Variants in CCSER1 observed in about 807,000 individuals in gnomAD.
The protein encoded by CCSER1 is coiled-coil serine rich protein 1.
In CCSER1, 41 loss-of-function variants were observed where a neutral mutation model predicts 82.0. The ratio of observed to expected loss-of-function variants is 0.50; its 90% CI spans 0.39 to 0.65. The LOEUF is 0.65. Among genes scored for constraint, CCSER1 ranks in the 30% least tolerant of loss-of-function variants. CCSER1 has a pLI of 0.00. For missense variants in CCSER1, 1,119 were observed against 1,064.2 expected (o/e 1.05, Z -0.72); for synonymous variants, 414 against 383.9 (o/e 1.08, Z -0.92).
At chr4:90,366,972 A>G (rs992356836) in intron 3 of CCSER1, among the ~76,000 whole-genome samples, 4 of 151,928 alleles carry the variant, frequency 2.6e-5, no homozygotes, top group Non-Finnish European at 5.9e-5. Flanking sequence ...ATACAATACC[A>G]TGTCTCTAAA....
At chr4:90,240,886 T>C (rs1746708284) in intron 1 of CCSER1, among the ~76,000 whole-genome samples, 1 of 152,132 alleles carries the variant, frequency 6.6e-6, no homozygotes, top group South Asian at 2.1e-4. Context: ...CACCTATAGC[T>C]CTCTGCAGTG....
intron 10 of CCSER1, among the ~76,000 whole-genome samples, chr4:91,381,152 T>C (rs183978410): frequency 0.02 from 2,976 of 152,268 alleles, 76 homozygotes; most frequent in African/African-American, 0.066. Flanking sequence ...GTGGGTAACC[T>C]GACCTTTCTC....
chr4:90,250,345 T>C (rs1722175647), intron 1 of CCSER1, among the ~76,000 whole-genome samples: 1 of 152,112 alleles, frequency 6.6e-6, no homozygotes, highest in Non-Finnish European at 1.5e-5. Context: ...TCTAAGACTT[T>C]TATAGCTTTA....
rs1782774441 is a variant in CCSER1, at chr4:90,592,072, T to C, written c.1725-35953T>C. Among the ~76,000 whole-genome samples the C allele has an allele frequency of 2.0e-5, 3 of 152,092 alleles. No homozygotes were observed. The South Asian group carries it at 6.2e-4, about 32-fold the overall frequency. ...AGGGGACGGAGAGTGTTAGGACAAA[T>C]ACCTAATGCACGCAGGGCTTAAAAC... On this transcript the variant is annotated intron_variant, in intron 5 of 10. Transcript: ENST00000509176.
chr4:91,194,170 A>T (rs190114786), intron 10 of CCSER1, among the ~76,000 whole-genome samples: 61 of 152,244 alleles, frequency 4.0e-4, no homozygotes, highest in African/African-American at 1.4e-3. Context: ...GAGTTTCACC[A>T]CATGGCTCAG....
chr4:90,273,105 A>G (rs1301858326), intron 1 of CCSER1, among the ~76,000 whole-genome samples: 1 of 152,170 alleles, frequency 6.6e-6, no homozygotes, highest in Non-Finnish European at 1.5e-5. Context: ...GAAATTAGCC[A>G]GGCACAGAAA....
chr4:91,358,689 CA>C (rs1749035646), intron 10 of CCSER1, among the ~76,000 whole-genome samples: 1 of 152,128 alleles, frequency 6.6e-6, no homozygotes, highest in Non-Finnish European at 1.5e-5. Flanking sequence ...CTAGTCTTAC[CA>C]AGTTTCAGAT....
chr4:91,008,135 T>G (rs754791033), intron 9 of CCSER1, among the ~76,000 whole-genome samples: 32 of 152,284 alleles, frequency 2.1e-4, no homozygotes, highest in Non-Finnish European at 3.7e-4. Flanking sequence ...TAAGACTTGT[T>G]TAGTAGCCTG....
intron 10 of CCSER1, among the ~76,000 whole-genome samples, chr4:91,577,771 G>A (rs987131747): frequency 2.6e-5 from 4 of 151,952 alleles, no homozygotes; most frequent in East Asian, 1.9e-4. Context: ...GGTTTCAATC[G>A]TTGTGTCATA....
chr4:90,905,866 C>T (rs1348052496), intron 8 of CCSER1, among the ~76,000 whole-genome samples: 1 of 151,978 alleles, frequency 6.6e-6, no homozygotes, highest in Non-Finnish European at 1.5e-5. Context: ...CAAAATGTCG[C>T]ATAACTAGTT....
chr4:90,725,864 T>A (rs1743540585), intron 7 of CCSER1, among the ~76,000 whole-genome samples: 1 of 151,964 alleles, frequency 6.6e-6, no homozygotes, highest in South Asian at 2.1e-4. Context: ...AAAACTTTGA[T>A]TAAAATTATG....
intron 5 of CCSER1, among the ~76,000 whole-genome samples, chr4:90,598,717 G>A (rs1560785180): frequency 6.6e-6 from 1 of 152,072 alleles, no homozygotes; most frequent in African/African-American, 2.4e-5. Flanking sequence ...ATTGGGGGTG[G>A]AGTGGATCAT....
intron 10 of CCSER1, among the ~76,000 whole-genome samples, chr4:91,580,983 ACTAT>A (rs1288054867): frequency 6.6e-6 from 1 of 151,668 alleles, no homozygotes; most frequent in Non-Finnish European, 1.5e-5. Context: ...CAAACCAAAA[ACTAT>A]CTGTCTCGGA....
chr4:90,915,170 C>A (rs182727466), intron 8 of CCSER1, among the ~76,000 whole-genome samples: 1 of 152,258 alleles, frequency 6.6e-6, no homozygotes, highest in African/African-American at 2.4e-5. Context: ...TTTCGTGAGG[C>A]CAGCATCATC....
At chr4:90,537,443 T>C (rs28434365) in intron 5 of CCSER1, among the ~76,000 whole-genome samples, 20,144 of 152,118 alleles carry the variant, frequency 0.13, 2,076 homozygotes, top group African/African-American at 0.29. Flanking sequence ...ATAATTTTGT[T>C]TTTTTCTTCT....
At chr4:90,725,472 T>G (rs1021423523) in intron 7 of CCSER1, among the ~76,000 whole-genome samples, 4 of 151,540 alleles carry the variant, frequency 2.6e-5, no homozygotes, top group African/African-American at 9.7e-5. Context: ...TATTGTCTTT[T>G]GATGGCCAAC....
At chr4:91,184,668 T>G (rs913189678) in intron 10 of CCSER1, among the ~76,000 whole-genome samples, 1 of 152,222 alleles carries the variant, frequency 6.6e-6, no homozygotes, top group Non-Finnish European at 1.5e-5. Flanking sequence ...TTAACCATTT[T>G]AAAGGTATAG....
intron 10 of CCSER1, among the ~76,000 whole-genome samples, chr4:91,161,128 C>G (rs967279266): frequency 6.6e-6 from 1 of 152,100 alleles, no homozygotes; most frequent in African/African-American, 2.4e-5. Context: ...TATGGCTAAC[C>G]AGTTTTCCCA....
At chr4:91,181,032 C>T (rs1733975798) in intron 10 of CCSER1, among the ~76,000 whole-genome samples, 1 of 152,240 alleles carries the variant, frequency 6.6e-6, no homozygotes, top group African/African-American at 2.4e-5. Context: ...GGTTTTCCGC[C>T]CTGGGAGGGC....
Sources: allele counts gnomAD v4.1 joint callset (sites outside exome capture counted in the v4.1 genomes callset), GRCh38; gene constraint gnomAD v4.1.1; transcripts MANE v1.5; gene names NCBI Gene and HGNC (gene_info 2026-07-23, HGNC 2026-07-21).